LHFPL3: variants seen among roughly 807,000 people sequenced by gnomAD.
LHFPL3 encodes LHFPL tetraspan subfamily member 3 protein.
A neutral mutation model predicts 19.3 loss-of-function variants in LHFPL3; 5 were observed. The observed-to-expected ratio is 0.26, with a 90% CI of 0.14 to 0.54. The LOEUF (loss-of-function observed/expected upper bound fraction) is 0.54. LHFPL3 is among the 20% of genes least tolerant of loss of function. The probability of loss-of-function intolerance (pLI) is 0.94; values close to 1 mark genes in which losing one functional copy is unlikely to be tolerated. For missense variants in LHFPL3, 249 were observed against 307.4 expected (o/e 0.81, Z 1.42); for synonymous variants, 133 against 126.2 (o/e 1.05, Z -0.36).
At chr7:104,654,335 AG>A (rs1190714506) in intron 1 of LHFPL3, among the ~76,000 whole-genome samples, 1 of 152,190 alleles carries the variant, frequency 6.6e-6, no homozygotes, top group Non-Finnish European at 1.5e-5. Flanking sequence ...TTAAATATTC[AG>A]ACATATTTCC....
intron 1 of LHFPL3, among the ~76,000 whole-genome samples, chr7:104,646,966 A>T (rs373354294): frequency 6.6e-6 from 1 of 152,304 alleles, no homozygotes; most frequent in African/African-American, 2.4e-5. Context: ...CAGTCTGTGG[A>T]GTACTAGAAC....
chr7:104,696,559 G>C (rs1793000198), intron 1 of LHFPL3, among the ~76,000 whole-genome samples: 1 of 152,078 alleles, frequency 6.6e-6, no homozygotes, highest in Non-Finnish European at 1.5e-5. Flanking sequence ...TTAGCTAAGG[G>C]GGTGAGAAGG....
Position 104,751,390 on chromosome 7 carries a change from G to A in LHFPL3, c.682+14479G>A, listed in dbSNP as rs1301883063. On this transcript the variant is annotated intron_variant, in intron 2 of 2. Coordinates refer to ENST00000424859, the MANE Select transcript of LHFPL3 (RefSeq NM_199000.3). ...AGGGGCAGGCACTTCCTGGGTCTTG[G>A]ATTTTTTCCCAGGCTCTAAGGCAGA... Among the ~76,000 whole-genome samples the A allele has an allele frequency of 2.0e-5, 3 of 151,090 alleles. No homozygotes were observed. In the East Asian group the frequency reaches 5.9e-4, roughly 29 times the overall value.
At chr7:104,440,425 G>A (rs1792201779) in intron 1 of LHFPL3, among the ~76,000 whole-genome samples, 1 of 150,848 alleles carries the variant, frequency 6.6e-6, no homozygotes, top group Non-Finnish European at 1.5e-5. Context: ...GGGGTGGGGG[G>A]AGTGGGGAGG....
At chr7:104,469,736 G>A (rs978911586) in intron 1 of LHFPL3, among the ~76,000 whole-genome samples, 2 of 151,968 alleles carry the variant, frequency 1.3e-5, no homozygotes, top group Non-Finnish European at 2.9e-5. Flanking sequence ...TTTGTTTCTG[G>A]TTTCTAGGAG....
intron 1 of LHFPL3, among the ~76,000 whole-genome samples, chr7:104,676,315 A>G (rs1792591134): frequency 1.3e-5 from 2 of 152,226 alleles, no homozygotes; most frequent in African/African-American, 4.8e-5. Flanking sequence ...AATCTTTAAC[A>G]GTAACACTAA....
At chr7:104,750,301 G>C (rs1432886346) in intron 2 of LHFPL3, among the ~76,000 whole-genome samples, 1 of 152,046 alleles carries the variant, frequency 6.6e-6, no homozygotes, top group Admixed American at 6.5e-5. Flanking sequence ...TCAAATAATG[G>C]CCTTACACAC....
At chr7:104,727,235 T>C (rs1234319554) in intron 1 of LHFPL3, among the ~76,000 whole-genome samples, 2 of 152,198 alleles carry the variant, frequency 1.3e-5, no homozygotes, top group East Asian at 3.9e-4. Flanking sequence ...TAGGCCTTTG[T>C]CAGATAGATA....
At chr7:104,593,177 G>A (rs1278933801) in intron 1 of LHFPL3, among the ~76,000 whole-genome samples, 2 of 152,028 alleles carry the variant, frequency 1.3e-5, no homozygotes, top group Admixed American at 1.3e-4. Context: ...TGGGCATTTA[G>A]TGCTATAAAT....
chr7:104,602,038 T>TTTTTTTTTTTTC, intron 1 of LHFPL3, among the ~76,000 whole-genome samples: 1 of 146,810 alleles, frequency 6.8e-6, no homozygotes, highest in South Asian at 2.2e-4. Flanking sequence ...TTTTTTTTTT[T>TTTTTTTTTTTTC]TTCTGACAGC....
intron 2 of LHFPL3, chr7:104,796,507 T>G (rs1387691938): frequency 6.6e-6 from 1 of 152,152 alleles, no homozygotes; most frequent in East Asian, 1.9e-4. Flanking sequence ...TAGTGGGAGT[T>G]TGAAGTAAAT....
At chr7:104,773,998 G>A (rs1040555849) in intron 2 of LHFPL3, among the ~76,000 whole-genome samples, 14 of 152,322 alleles carry the variant, frequency 9.2e-5, no homozygotes, top group Non-Finnish European at 1.8e-4. Context: ...GACAACTTCC[G>A]TGTAGTCACA....
chr7:104,692,650 CTTA>C, intron 1 of LHFPL3, among the ~76,000 whole-genome samples: 1 of 152,232 alleles, frequency 6.6e-6, no homozygotes, highest in Admixed American at 6.5e-5. Flanking sequence ...GCCTTGGCAG[CTTA>C]CACACGGTGT....
Position 104,633,619 on chromosome 7 carries a change from G to C in LHFPL3, c.446-103056G>C, listed in dbSNP as rs534640151. On this transcript the variant is annotated intron_variant, in intron 1 of 2. Coordinates refer to ENST00000424859, the MANE Select transcript of LHFPL3 (RefSeq NM_199000.3). The stretch of plus-strand genomic sequence containing the variant: ...TTCCTAAAATGATATCAGATGTACT[G>C]TCCACTTGTTCATTACAATATGGCA... 2.6e-5 allele frequency among the ~76,000 whole-genome samples: 4 copies of C among 152,252 alleles called. No individual in the cohort carries two copies. The East Asian group carries it at 5.8e-4, about 22-fold the overall frequency.
intron 2 of LHFPL3, among the ~76,000 whole-genome samples, chr7:104,829,500 T>G (rs544881142): frequency 3.8e-4 from 57 of 151,458 alleles, no homozygotes; most frequent in African/African-American, 9.8e-4. Flanking sequence ...CCCACAACAG[T>G]CCCCGGAGTG....
chr7:104,892,779 C>G (rs535529512), intron 2 of LHFPL3, among the ~76,000 whole-genome samples: 4 of 150,814 alleles, frequency 2.7e-5, no homozygotes, highest in Non-Finnish European at 5.9e-5. Flanking sequence ...GGGGTAGATC[C>G]TTCCATATTT....
intron 1 of LHFPL3, among the ~76,000 whole-genome samples, chr7:104,671,636 A>G (rs1486936541): frequency 6.6e-6 from 1 of 152,008 alleles, no homozygotes; most frequent in East Asian, 1.9e-4. Flanking sequence ...AAGATCATAT[A>G]GTGATATCAC....
rs139632984 is a variant in LHFPL3, at chr7:104,590,374, A to C, written c.446-146301A>C. Among the ~76,000 whole-genome samples the C allele has an allele frequency of 4.1e-3, 623 of 152,176 alleles. 35 individuals are homozygous for C. The East Asian group carries it at 0.1, about 24-fold the overall frequency. On this transcript the variant is annotated intron_variant, in intron 1 of 2. Transcript: ENST00000424859. The stretch of plus-strand genomic sequence containing the variant: ...TCTGCCTTCATTTCATTATGTACCC[A>C]GTAGTCATTCAGGAGCAGGTTGTTC...
At chr7:104,668,314 A>G in intron 1 of LHFPL3, 1 of 1,603,606 alleles carries the variant, frequency 6.2e-7, no homozygotes, top group African/African-American at 1.3e-5. Flanking sequence ...CGTGATAGAA[A>G]TCGGGATTCT....
Sources: gnomAD v4.1 joint callset for allele counts (sites outside exome capture counted in the v4.1 genomes callset) on GRCh38, gnomAD v4.1.1 for gene constraint, MANE v1.5 for transcripts, NCBI Gene and HGNC (gene_info 2026-07-23, HGNC 2026-07-21) for gene names.